PAQR8: variants seen among roughly 807,000 people sequenced by gnomAD.
PAQR8 encodes the protein progestin and adipoQ receptor family member 8, also known as membrane progestin receptor beta.
In PAQR8, 17 loss-of-function variants were observed where a neutral mutation model predicts 25.2. That is an observed-to-expected ratio of 0.67 (90% CI 0.46 to 1.01). The LOEUF (loss-of-function observed/expected upper bound fraction) is 1.01, where lower values mean the gene tolerates loss of function less well. Among genes scored for constraint, PAQR8 ranks in the 50% least tolerant of loss-of-function variants. PAQR8 has a pLI of 0.00. For synonymous variants in PAQR8, 204 were observed against 190.6 expected, an observed-to-expected ratio of 1.07 and a Z score of -0.58; for missense variants, 392 against 448.4, an observed-to-expected ratio of 0.87 and a Z score of 1.14.
chr6:52,373,888 A>G (rs923122559), intron 1 of PAQR8, among the ~76,000 whole-genome samples: 1 of 152,056 alleles, frequency 6.6e-6, no homozygotes, highest in Non-Finnish European at 1.5e-5. Flanking sequence ...CCCAAATCTC[A>G]TGTTCAGTTA....
chr6:52,365,318 C>T (rs1763339378), intron 1 of PAQR8, among the ~76,000 whole-genome samples: 1 of 148,544 alleles, frequency 6.7e-6, no homozygotes, highest in Admixed American at 6.7e-5. Flanking sequence ...TTTTAAAATT[C>T]GCATTTTTTT....
intron 1 of PAQR8, among the ~76,000 whole-genome samples, chr6:52,386,701 A>G (rs1235341808): frequency 2.6e-5 from 4 of 152,192 alleles, no homozygotes; most frequent in Admixed American, 2.6e-4. Context: ...AAGGTTGAAA[A>G]ACTACCTGTT....
At chr6:52,376,841 G>A (rs1222986332) in intron 1 of PAQR8, among the ~76,000 whole-genome samples, 5 of 152,182 alleles carry the variant, frequency 3.3e-5, no homozygotes, top group Non-Finnish European at 7.3e-5. Context: ...TTCTCTGGAG[G>A]GATGAGTGGT....
chr6:52,393,333 C>CTTTTTTTTTTT (rs35079265), intron 1 of PAQR8, among the ~76,000 whole-genome samples: 1 of 111,192 alleles, frequency 9.0e-6, no homozygotes, highest in Non-Finnish European at 1.7e-5. Context: ...CTTTCTCTCT[C>CTTTTTTTTTTT]TTTTTTTTTT....
chr6:52,390,799 C>A (rs1238386731), intron 1 of PAQR8, among the ~76,000 whole-genome samples: 1 of 152,136 alleles, frequency 6.6e-6, no homozygotes, highest in Non-Finnish European at 1.5e-5. Context: ...GGTATGCTAA[C>A]TAGTTGAGCT....
chr6:52,406,543 T>G lies in PAQR8; in HGVS notation c.*2265T>G. The stretch of plus-strand genomic sequence containing the variant: ...TTTAATTTATACAAGTATTGGCCCC[T>G]CAAGTGGTTGGAAATTTTTTTTTTA... On this transcript the variant is annotated 3_prime_UTR_variant, in exon 2 of 2. Coordinates refer to ENST00000442253, the MANE Select transcript of PAQR8 (RefSeq NM_133367.5). 2.4e-6 allele frequency: 1 copy of G among 413,444 alleles called. No individual in the cohort carries two copies. The highest frequency in any genetic ancestry group is 6.3e-4 in the Middle Eastern group (1 of 1,590). The allele number at this position is 413,444 out of a possible 1,614,324, so 25.6% of individuals were successfully genotyped here. A position where few individuals can be genotyped will look rare whatever the true frequency, so the allele number is the denominator to read the frequency against.
intron 1 of PAQR8, among the ~76,000 whole-genome samples, chr6:52,391,352 CTATTT>C (rs1398632239): frequency 1.3e-5 from 2 of 152,102 alleles, no homozygotes; most frequent in Admixed American, 1.3e-4. Context: ...GCATAGTATT[CTATTT>C]TATAGATTTA....
At chr6:52,385,235 G>C (rs1473158551) in intron 1 of PAQR8, among the ~76,000 whole-genome samples, 2 of 152,108 alleles carry the variant, frequency 1.3e-5, no homozygotes, top group African/African-American at 4.8e-5. Context: ...ACTTGAGAGG[G>C]GGAAACCCCT....
chr6:52,384,279 A>C (rs1278473113), intron 1 of PAQR8, among the ~76,000 whole-genome samples: 5 of 152,374 alleles, frequency 3.3e-5, no homozygotes, highest in Non-Finnish European at 7.3e-5. Flanking sequence ...AAAGGAATGC[A>C]TAATGGTTTC....
At chr6:52,390,321 G>C (rs1763688819) in intron 1 of PAQR8, among the ~76,000 whole-genome samples, 1 of 152,178 alleles carries the variant, frequency 6.6e-6, no homozygotes, top group South Asian at 2.1e-4. Flanking sequence ...CTAGCTAGAG[G>C]GTTCTAGTTA....
In PAQR8 at chr6:52,394,309, G is replaced by A. The variant is rs557296333; in HGVS notation, c.-52-8853G>A. ...ACGTATTTTTACTGTGTTTTCAGGG[G>A]ATAACAACTATCACCAAAAACGTGT... On this transcript the variant is annotated intron_variant, in intron 1 of 1. Transcript: ENST00000442253. Among the ~76,000 whole-genome samples the A allele has an allele frequency of 5.9e-5, 9 of 152,260 alleles. No homozygotes were observed. The East Asian group carries it at 1.7e-3, about 29-fold the overall frequency.
intron 1 of PAQR8, among the ~76,000 whole-genome samples, chr6:52,385,850 C>T (rs986187954): frequency 3.3e-5 from 5 of 152,170 alleles, no homozygotes; most frequent in African/African-American, 1.2e-4. Flanking sequence ...CACACCACTG[C>T]TCTCCAGTCT....
intron 1 of PAQR8, among the ~76,000 whole-genome samples, chr6:52,369,939 C>A (rs1763397956): frequency 6.6e-6 from 1 of 152,112 alleles, no homozygotes; most frequent in East Asian, 1.9e-4. Context: ...TAAAATGTTA[C>A]CCAGATAGGT....
At chr6:52,398,204 C>CT (rs869285681) in intron 1 of PAQR8, among the ~76,000 whole-genome samples, 2,057 of 85,750 alleles carry the variant, frequency 0.024, 22 homozygotes, top group Middle Eastern at 0.03. Flanking sequence ...TTTCTTTTTT[C>CT]TTTTTTTTTT....
chr6:52,379,635 T>C (rs1359763588), intron 1 of PAQR8, among the ~76,000 whole-genome samples: 1 of 141,786 alleles, frequency 7.1e-6, no homozygotes, highest in East Asian at 2.1e-4. Flanking sequence ...TTTTTTTTTT[T>C]TTTTTTTTTG....
chr6:52,373,866 T>G (rs1013406757), intron 1 of PAQR8, among the ~76,000 whole-genome samples: 2 of 152,170 alleles, frequency 1.3e-5, no homozygotes, highest in African/African-American at 4.8e-5. Context: ...ACGGTTTAGA[T>G]CTGTGTCTCC....
chr6:52,368,282 A>G (rs1014667031), intron 1 of PAQR8, among the ~76,000 whole-genome samples: 5 of 152,218 alleles, frequency 3.3e-5, no homozygotes, highest in Non-Finnish European at 7.3e-5. Flanking sequence ...GCTGTGATCT[A>G]GAAACCATTG....
chr6:52,400,543 T>C (rs1309397638), intron 1 of PAQR8, among the ~76,000 whole-genome samples: 2 of 152,244 alleles, frequency 1.3e-5, no homozygotes, highest in African/African-American at 4.8e-5. Context: ...AACTGCAAAC[T>C]ACAATGACTT....
intron 1 of PAQR8, among the ~76,000 whole-genome samples, chr6:52,370,323 G>A (rs1002752669): frequency 3.6e-4 from 55 of 152,224 alleles, no homozygotes; most frequent in South Asian, 1.5e-3. Flanking sequence ...AGGCCAGAGC[G>A]GCAGAGGTGG....
Sources: allele counts gnomAD v4.1 joint callset (sites outside exome capture counted in the v4.1 genomes callset), GRCh38; gene constraint gnomAD v4.1.1; transcripts MANE v1.5; gene names NCBI Gene and HGNC (gene_info 2026-07-23, HGNC 2026-07-21).